Variants in CFH observed in about 807,000 individuals in gnomAD.
CFH encodes the protein complement factor H, also known as H factor 1 (complement).
A neutral mutation model predicts 147.3 loss-of-function variants in CFH; 53 were observed. The ratio of observed to expected loss-of-function variants is 0.36; its 90% CI spans 0.29 to 0.45. The LOEUF (loss-of-function observed/expected upper bound fraction) is 0.45, where lower values mean the gene tolerates loss of function less well. Among genes scored for constraint, CFH ranks in the 20% least tolerant of loss-of-function variants. CFH has a pLI of 1.00. For synonymous variants in CFH, 536 were observed against 489.4 expected, an observed-to-expected ratio of 1.10 and a Z score of -1.26; for missense variants, 1,380 against 1,498.0, an observed-to-expected ratio of 0.92 and a Z score of 1.30.
intron 9 of CFH, among the ~76,000 whole-genome samples, chr1:196,701,836 G>T (rs1305693277): frequency 6.6e-6 from 1 of 152,080 alleles, no homozygotes; most frequent in Non-Finnish European, 1.5e-5. Flanking sequence ...AAAGGCCTTT[G>T]TCTATCATTC....
At chr1:196,681,397 A>G (rs1004942439) in intron 6 of CFH, among the ~76,000 whole-genome samples, 1 of 151,470 alleles carries the variant, frequency 6.6e-6, no homozygotes, top group Non-Finnish European at 1.5e-5. Context: ...TGTTTTCACA[A>G]TGAGAGATCC....
intron 9 of CFH, among the ~76,000 whole-genome samples, chr1:196,703,311 G>T (rs988533732): frequency 3.3e-5 from 5 of 152,136 alleles, no homozygotes; most frequent in African/African-American, 1.2e-4. Context: ...TACTGCAACA[G>T]GGGGGACACT....
chr1:196,659,694 G>T (rs1417294529), intron 1 of CFH, among the ~76,000 whole-genome samples: 1 of 152,192 alleles, frequency 6.6e-6, no homozygotes, highest in East Asian at 1.9e-4. Flanking sequence ...TCTGGGTGTT[G>T]CCATGGTAAT....
At chr1:196,714,054 C>T in intron 10 of CFH, 137 bp downstream of exon 10, 1 of 755,780 alleles carries the variant, frequency 1.3e-6, no homozygotes, top group Non-Finnish European at 2.2e-6. Flanking sequence ...AAGCAGACAT[C>T]AATTTTTTTT....
At chr1:196,717,204 C>T (rs1668890392) in intron 11 of CFH, among the ~76,000 whole-genome samples, 1 of 151,976 alleles carries the variant, frequency 6.6e-6, no homozygotes, top group African/African-American at 2.4e-5. Flanking sequence ...ATTCTAATTC[C>T]ACTGCTTGCT....
At chr1:196,662,571 T>C (rs1253808639) in intron 1 of CFH, among the ~76,000 whole-genome samples, 1 of 152,292 alleles carries the variant, frequency 6.6e-6, no homozygotes, top group South Asian at 2.1e-4. Context: ...GTATTTATAG[T>C]GGCAAATTCT....
At chr1:196,695,911 G>A (rs10922099) in intron 9 of CFH, among the ~76,000 whole-genome samples, 105,030 of 151,908 alleles carry the variant, frequency 0.69, 37,033 homozygotes, top group East Asian at 0.95. Context: ...GGTTGAGACA[G>A]TGGGGTTTTC....
intron 1 of CFH, among the ~76,000 whole-genome samples, chr1:196,670,734 G>T (rs1404693696): frequency 6.6e-6 from 1 of 152,116 alleles, no homozygotes. Flanking sequence ...CTGCTTTTAA[G>T]ATTTTGCCTT....
At chr1:196,684,727 G>C (rs1667766926) in intron 6 of CFH, among the ~76,000 whole-genome samples, 1 of 151,996 alleles carries the variant, frequency 6.6e-6, no homozygotes, top group Non-Finnish European at 1.5e-5. Flanking sequence ...CAATCCTTAT[G>C]AGAACCACAG....
intron 15 of CFH, among the ~76,000 whole-genome samples, chr1:196,729,019 A>G (rs1252306819): frequency 6.6e-6 from 1 of 152,088 alleles, no homozygotes; most frequent in Non-Finnish European, 1.5e-5. Flanking sequence ...TTGTTCATCT[A>G]TCTTGAAAAG....
intron 9 of CFH, among the ~76,000 whole-genome samples, chr1:196,711,648 C>A (rs956071085): frequency 3.3e-5 from 5 of 151,888 alleles, no homozygotes; most frequent in Non-Finnish European, 5.9e-5. Context: ...GCTTAAAAAA[C>A]CCCAGAGATA....
chr1:196,692,780 TTC>T (rs1491126461), intron 9 of CFH, among the ~76,000 whole-genome samples: 8 of 113,162 alleles, frequency 7.1e-5, no homozygotes, highest in African/African-American at 7.5e-5. Flanking sequence ...CTTTCTTTCT[TTC>T]TTTCTTTCTT....
intron 9 of CFH, among the ~76,000 whole-genome samples, chr1:196,695,775 A>G (rs62552529): frequency 0.015 from 2,216 of 152,146 alleles, 59 homozygotes; most frequent in African/African-American, 0.05. Flanking sequence ...GCAATTGTGA[A>G]TGGGAGTTCA....
At chr1:196,724,695 C>G (rs1340513896) in intron 11 of CFH, among the ~76,000 whole-genome samples, 1 of 152,178 alleles carries the variant, frequency 6.6e-6, no homozygotes, top group Non-Finnish European at 1.5e-5. Flanking sequence ...TTTGGTTCTT[C>G]TTTCTGAGGA....
At chr1:196,683,130 ATAAAG>A (rs1312830567) in intron 6 of CFH, among the ~76,000 whole-genome samples, 1 of 151,414 alleles carries the variant, frequency 6.6e-6, no homozygotes, top group Non-Finnish European at 1.5e-5. Flanking sequence ...AGCAAAAAAT[ATAAAG>A]TAAAGGAAAA....
intron 11 of CFH, among the ~76,000 whole-genome samples, chr1:196,721,835 A>C (rs1248227669): frequency 1.3e-5 from 2 of 148,612 alleles, no homozygotes; most frequent in Non-Finnish European, 3.0e-5. Flanking sequence ...TGTTGATTTG[A>C]AATCTTTTTT....
intron 9 of CFH, among the ~76,000 whole-genome samples, chr1:196,707,909 T>A (rs925740498): frequency 6.6e-6 from 1 of 152,334 alleles, no homozygotes; most frequent in Middle Eastern, 3.4e-3. Context: ...TACTGAATGC[T>A]TAAGCCATAT....
At position 196,652,181 on chromosome 1, in the gene CFH, A is replaced by T; in HGVS notation, c.58+6A>T. ...GGCTATTTGTGTAGCAGAAGGTAAG[A>T]TTAAAAGAGACTCTTTTCTGAAAAC... is the stretch of plus-strand genomic sequence containing the variant. On this transcript the variant is annotated splice_donor_region_variant and intron_variant, in intron 1 of 21. Coordinates refer to ENST00000367429, the MANE Select transcript of CFH (RefSeq NM_000186.4). 6.3e-7 allele frequency: 1 copy of T among 1,594,714 alleles called. No homozygotes were observed. The highest frequency in any genetic ancestry group is 8.6e-7 in the Non-Finnish European group (1 of 1,162,504).
intron 9 of CFH, among the ~76,000 whole-genome samples, chr1:196,690,712 C>T (rs115715815): frequency 2.0e-5 from 3 of 152,084 alleles, no homozygotes; most frequent in Admixed American, 1.3e-4. Context: ...GTGGAGTGCA[C>T]TGGATTTTAT....
Sources: gnomAD v4.1 joint callset for allele counts (sites outside exome capture counted in the v4.1 genomes callset) on GRCh38, gnomAD v4.1.1 for gene constraint, MANE v1.5 for transcripts, NCBI Gene and HGNC (gene_info 2026-07-23, HGNC 2026-07-21) for gene names.